Variants in EML5 observed in about 807,000 individuals in gnomAD.
The protein encoded by EML5 is EMAP like 5, also known as echinoderm microtubule-associated protein-like 5.
A neutral mutation model predicts 250.0 loss-of-function variants in EML5; 120 were observed. The ratio of observed to expected loss-of-function variants is 0.48; its 90% confidence interval spans 0.41 to 0.56. EML5 has a LOEUF of 0.56. Among genes scored for constraint, EML5 ranks in the 20% least tolerant of loss-of-function variants. EML5 has a pLI of 0.00. For synonymous variants in EML5, 771 were observed against 806.5 expected (o/e 0.96, Z 0.75); for missense variants, 2,006 against 2,437.6 (o/e 0.82, Z 3.73).
chr14:88,681,153 G>C (rs148912831), intron 21 of EML5, among the ~76,000 whole-genome samples: 3 of 152,118 alleles, frequency 2.0e-5, no homozygotes, highest in East Asian at 3.9e-4. Context: ...TTAACTAATG[G>C]GTAGCTTAAA....
chr14:88,619,719 C>A (rs1429008728), intron 39 of EML5: 2 of 151,964 alleles, frequency 1.3e-5, no homozygotes, highest in African/African-American at 2.4e-5. Context: ...TCGCTCTTGT[C>A]TCCCAGGCTG....
At chr14:88,713,246 G>T (rs1391316118) in intron 9 of EML5, among the ~76,000 whole-genome samples, 3 of 151,894 alleles carry the variant, frequency 2.0e-5, no homozygotes, top group African/African-American at 4.8e-5. Flanking sequence ...ACAAAAATTA[G>T]CTGGGCATGG....
At chr14:88,657,587 A>T in intron 26 of EML5, 85 bp from the exon 27 acceptor site, 1 of 1,298,396 alleles carries the variant, frequency 7.7e-7, no homozygotes, top group African/African-American at 1.5e-5. Flanking sequence ...GATGTTCAAC[A>T]ATATGAAATA....
intron 1 of EML5, among the ~76,000 whole-genome samples, chr14:88,771,408 C>A (rs1270244602): frequency 6.6e-6 from 1 of 152,202 alleles, no homozygotes; most frequent in Non-Finnish European, 1.5e-5. Context: ...CGCTTGTGTT[C>A]TAGGTCCCAT....
intron 14 of EML5, among the ~76,000 whole-genome samples, chr14:88,698,265 C>CATT: frequency 8.3e-6 from 1 of 119,936 alleles, no homozygotes; most frequent in East Asian, 2.4e-4. Context: ...CTCCAGTTTC[C>CATT]TTTTTTTTTT....
rs2089713160 is a variant in EML5, at chr14:88,625,069, A to G, written c.4799T>C (p.Ile1600Thr). 6.2e-7 allele frequency: 1 copy of G among 1,613,826 alleles called. No individual in the cohort carries two copies. Among genetic ancestry groups the G allele is most frequent in the Non-Finnish European group, 8.5e-7 (1 of 1,179,864 alleles). Residue 1600 changes from isoleucine to threonine, a missense_variant, in exon 36 of 44, where the codon ATA (isoleucine) becomes ACA (threonine). Ile to Thr is a moderately conservative substitution (Grantham distance 89, BLOSUM62 -1). Around this residue, in one of 7 missense-constraint regions of EML5, gnomAD observed 405 missense variants for 523.3 expected, o/e 0.77. Transcript: ENST00000554922. ...AGCTCTCGCCACGATTCTACACAAT[A>G]TGTGATCTTTCCACACACAGACATC... ...SGDVCVWKDH[I>T]LCRIVARAHN...
chr14:88,694,819 A>T (rs2093038987), intron 16 of EML5, among the ~76,000 whole-genome samples: 1 of 152,230 alleles, frequency 6.6e-6, no homozygotes. Context: ...GCATTTATCT[A>T]TATATTTAAA....
chr14:88,622,863 T>A, intron 36 of EML5, 145 bp from the exon 37 acceptor site: 1 of 514,500 alleles, frequency 1.9e-6, no homozygotes, highest in East Asian at 3.2e-5. Flanking sequence ...CTTGTAAACT[T>A]TCTATGGCAA....
intron 1 of EML5, among the ~76,000 whole-genome samples, chr14:88,773,955 C>A (rs1027651974): frequency 6.6e-6 from 1 of 152,052 alleles, no homozygotes; most frequent in Non-Finnish European, 1.5e-5. Context: ...CCCACCTCTA[C>A]TAAAAATACA....
chr14:88,745,223 A>G (rs553302326), intron 3 of EML5, among the ~76,000 whole-genome samples: 23 of 146,758 alleles, frequency 1.6e-4, no homozygotes, highest in African/African-American at 5.9e-4. Context: ...TGCACCTACT[A>G]AAAACCAAAT....
At chr14:88,761,840 T>C (rs2094248896) in intron 1 of EML5, among the ~76,000 whole-genome samples, 2 of 152,258 alleles carry the variant, frequency 1.3e-5, no homozygotes, top group South Asian at 2.1e-4. Context: ...TTTCTCCACA[T>C]CCTCTCCAGC....
At chr14:88,622,882 T>C in intron 36 of EML5, 164 bp from the exon 37 acceptor site, 3 of 491,704 alleles carry the variant, frequency 6.1e-6, no homozygotes, top group Non-Finnish European at 1.1e-5. Context: ...AATTTGAGGA[T>C]ATACTATATC....
At position 88,696,931 on chromosome 14, in the gene EML5, G is replaced by C; in HGVS notation, c.2260C>G (p.His754Asp). ...TGQVGRDPSI[H>D]IWDTETIKPL... ...TTAATGGTCTCTGTATCCCATATAT[G>C]AATTGAGGGATCTCTACCAACCTAA... Residue 754 changes from histidine to aspartate, a missense_variant, in exon 15 of 44, where the codon CAT (histidine) becomes GAT (aspartate). Physicochemically the swap from His to Asp is moderately conservative, Grantham distance 81. This residue lies in a region of EML5 where 1,375 missense variants were observed against 1,590.3 expected (regional missense o/e 0.86). Transcript: ENST00000554922. 1 of 1,594,986 alleles carries C rather than the reference G, an allele frequency of 6.3e-7. No homozygotes were observed. Among genetic ancestry groups the C allele is most frequent in the Non-Finnish European group, 8.5e-7 (1 of 1,170,170 alleles).
Position 88,681,894 on chromosome 14 carries a change from T to A in EML5, c.3120A>T (p.Lys1040Asn), listed in dbSNP as rs747616279. 11 of 1,605,850 alleles carry A rather than the reference T, an allele frequency of 6.8e-6. No homozygotes were observed. Among genetic ancestry groups the A allele is most frequent in the Non-Finnish European group, 8.5e-6 (10 of 1,177,130 alleles). ...TCAAGTGTGAGAGCCTCTTACCCTT[T>A]TTCAGCTTCCGGACAGCCAACATAC... is the stretch of plus-strand genomic sequence containing the variant. Reference protein sequence around the residue: ...SHCMLAVRKLKKGGRCCCFSP... With the variant: ...SHCMLAVRKLNKGGRCCCFSP... The change falls in exon 21 of 44, where the codon AAA becomes AAT. Residue 1040 changes from lysine (K) to asparagine (N), a missense_variant. Transcript: ENST00000554922.
At chr14:88,704,323 G>C (rs1274574893) in intron 13 of EML5, among the ~76,000 whole-genome samples, 2 of 152,138 alleles carry the variant, frequency 1.3e-5, no homozygotes, top group Admixed American at 6.6e-5. Context: ...CTTCTGCCAT[G>C]AGTAAAAGCT....
rs544957691 is a variant in EML5 at position 88,692,227 on chromosome 14, A to T, written c.2539+2080T>A. On this transcript the variant is annotated intron_variant, in intron 17 of 43. Transcript: ENST00000554922. ...CCCATCTCTGCTAAAAAATACAAAA[A>T]TCAGCTGGGTGTGGTGGCGGGCACC... Among the ~76,000 whole-genome samples the T allele has an allele frequency of 1.8e-4, 28 of 152,124 alleles. No individual in the cohort carries two copies. In the South Asian group the frequency reaches 5.6e-3, roughly 30 times the overall value.
At chr14:88,628,010 A>C in intron 33 of EML5, 191 bp from the exon 34 acceptor site, 1 of 666,788 alleles carries the variant, frequency 1.5e-6, no homozygotes, top group South Asian at 1.6e-5. Context: ...GGGAGGAAAG[A>C]AAAGGAAAAT....
intron 27 of EML5, among the ~76,000 whole-genome samples, chr14:88,655,172 C>G (rs1322893265): frequency 6.6e-6 from 1 of 152,132 alleles, no homozygotes; most frequent in Non-Finnish European, 1.5e-5. Flanking sequence ...ATAGCCAAGA[C>G]AATCCTAAGT....
chr14:88,688,753 A>G (rs963527862), intron 17 of EML5, among the ~76,000 whole-genome samples: 4 of 152,312 alleles, frequency 2.6e-5, no homozygotes, highest in African/African-American at 9.6e-5. Flanking sequence ...TTATTATGAC[A>G]TATTTAAGAA....
Sources: gnomAD v4.1 joint callset for allele counts (sites outside exome capture counted in the v4.1 genomes callset) on GRCh38, gnomAD v4.1.1 for gene constraint, gnomAD v4.1.1 regional missense constraint, MANE v1.5 for transcripts, NCBI Gene and HGNC (gene_info 2026-07-23, HGNC 2026-07-21) for gene names.